The following KCNB2 variants were observed in gnomAD, a reference collection of about 807,000 sequenced individuals.
The protein encoded by KCNB2 is delayed rectifier potassium channel protein.
KCNB2 carries 15 observed loss-of-function variants against 61.5 expected under a neutral mutation model. That is an observed-to-expected ratio of 0.24 (90% CI 0.16 to 0.38). The LOEUF is 0.38. Among genes scored for constraint, KCNB2 ranks in the 10% least tolerant of loss-of-function variants. The pLI is 1.00. For synonymous variants in KCNB2, 457 were observed against 446.0 expected (o/e 1.02, Z -0.31); for missense variants, 828 against 1,125.2 (o/e 0.74, Z 3.78).
At chr8:72,835,977 C>T (rs1809775555) in intron 2 of KCNB2, among the ~76,000 whole-genome samples, 1 of 152,194 alleles carries the variant, frequency 6.6e-6, no homozygotes, top group Admixed American at 6.5e-5. Flanking sequence ...TGTAATAATT[C>T]ATATTTAACA....
intron 2 of KCNB2, among the ~76,000 whole-genome samples, chr8:72,920,037 G>A (rs577685254): frequency 2.8e-4 from 42 of 152,100 alleles, no homozygotes; most frequent in South Asian, 1.9e-3. Context: ...ATTGAGATTT[G>A]AATCCAAAAT....
chr8:72,745,739 C>T (rs539009839), intron 2 of KCNB2, among the ~76,000 whole-genome samples: 15 of 152,030 alleles, frequency 9.9e-5, no homozygotes, highest in Admixed American at 3.3e-4. Context: ...ATCTCCAGCC[C>T]CTGCTGCCCT....
intron 2 of KCNB2, among the ~76,000 whole-genome samples, chr8:72,656,005 A>C (rs919057239): frequency 2.0e-5 from 3 of 152,148 alleles, no homozygotes; most frequent in Non-Finnish European, 4.4e-5. Flanking sequence ...TCTTAGTGGA[A>C]GAGACTTTTG....
intron 2 of KCNB2, among the ~76,000 whole-genome samples, chr8:72,820,861 TCTG>T (rs1406192008): frequency 6.6e-6 from 1 of 152,206 alleles, no homozygotes; most frequent in African/African-American, 2.4e-5. Flanking sequence ...GTTCACTGGT[TCTG>T]CTAGTGTCTT....
chr8:72,633,871 C>T (rs2128985180), intron 2 of KCNB2, among the ~76,000 whole-genome samples: 2 of 152,214 alleles, frequency 1.3e-5, no homozygotes, highest in East Asian at 3.9e-4. Flanking sequence ...TAGAGTTGGG[C>T]AGTGAACAGC....
At chr8:72,784,426 T>A (rs1458654914) in intron 2 of KCNB2, among the ~76,000 whole-genome samples, 1 of 152,160 alleles carries the variant, frequency 6.6e-6, no homozygotes. Context: ...GCTGGGTGTG[T>A]TAGTCTATTC....
At chr8:72,904,967 G>C (rs553833948) in intron 2 of KCNB2, among the ~76,000 whole-genome samples, 82 of 152,162 alleles carry the variant, frequency 5.4e-4, no homozygotes, top group Non-Finnish European at 9.4e-4. Context: ...ATGTATAGCT[G>C]GATGGATGGA....
In KCNB2 at chr8:72,727,495, A is replaced by C. The variant is rs111516286; in HGVS notation, c.579+159182A>C. On this transcript the variant is annotated intron_variant, in intron 2 of 2. Transcript: ENST00000523207. ...AAGTGGAAGCATTTTTATAGCTTACATTCAAAAGCCAAGTAGAGCTACCAG... is the reference window on the plus strand; with the variant it reads ...AAGTGGAAGCATTTTTATAGCTTACCTTCAAAAGCCAAGTAGAGCTACCAG... 3.0e-3 allele frequency among the ~76,000 whole-genome samples: 456 copies of C among 152,334 alleles called. 2 individuals are homozygous for C. Among genetic ancestry groups the C allele is most frequent in the African/African-American group, 0.01 (434 of 41,582 alleles).
At chr8:72,628,973 G>A (rs75094617) in intron 2 of KCNB2, among the ~76,000 whole-genome samples, 9 of 152,224 alleles carry the variant, frequency 5.9e-5, no homozygotes, top group African/African-American at 1.9e-4. Flanking sequence ...CAAATATAAC[G>A]TACTTAACAT....
At chr8:72,564,246 A>G (rs903409537) in intron 1 of KCNB2, among the ~76,000 whole-genome samples, 3 of 152,170 alleles carry the variant, frequency 2.0e-5, no homozygotes, top group African/African-American at 7.2e-5. Context: ...TTCCTTTTTT[A>G]ATGACTTTTT....
intron 2 of KCNB2, among the ~76,000 whole-genome samples, chr8:72,764,454 C>T (rs1339299329): frequency 1.3e-5 from 2 of 152,098 alleles, no homozygotes; most frequent in African/African-American, 4.8e-5. Flanking sequence ...ATAAAACACA[C>T]AGGGCTCATG....
chr8:72,926,379 A>G (rs1003753255), intron 2 of KCNB2, among the ~76,000 whole-genome samples: 4 of 152,216 alleles, frequency 2.6e-5, no homozygotes, highest in Non-Finnish European at 4.4e-5. Flanking sequence ...TTCTCAACTT[A>G]TAAAATCTAG....
intron 2 of KCNB2, among the ~76,000 whole-genome samples, chr8:72,732,292 C>T (rs1452526536): frequency 6.6e-6 from 1 of 152,170 alleles, no homozygotes; most frequent in Non-Finnish European, 1.5e-5. Flanking sequence ...CCTGTGAGCA[C>T]TACAGTTTAT....
intron 2 of KCNB2, among the ~76,000 whole-genome samples, chr8:72,644,991 A>G (rs530527977): frequency 2.6e-5 from 4 of 152,310 alleles, no homozygotes; most frequent in East Asian, 3.9e-4. Context: ...AGATTGTAGT[A>G]GAGAAAAGCA....
At chr8:72,613,565 A>G (rs1805572100) in intron 2 of KCNB2, among the ~76,000 whole-genome samples, 1 of 152,212 alleles carries the variant, frequency 6.6e-6, no homozygotes, top group African/African-American at 2.4e-5. Flanking sequence ...ACTATGTATT[A>G]AGATCTGACC....
rs1025435106 is a variant in KCNB2, at chr8:72,537,348, C to G, written c.-631C>G. 1 of 148,166 alleles carries G rather than the reference C, an allele frequency of 6.7e-6. No homozygotes were observed. Among genetic ancestry groups the G allele is most frequent in the Non-Finnish European group, 1.5e-5 (1 of 66,848 alleles). 9.2% of individuals were successfully genotyped at this position (148,166 alleles called of 1,614,324 possible). A position where few individuals can be genotyped will look rare whatever the true frequency, so the allele number is the denominator to read the frequency against. ...CCGCCACAGACACACACCCACCAAG[C>G]ACCCACCGCCCTCCGCCCTCCGCCC... On this transcript the variant is annotated 5_prime_UTR_variant, in exon 1 of 3. Transcript: ENST00000523207.
At chr8:72,723,846 G>A (rs138308295) in intron 2 of KCNB2, among the ~76,000 whole-genome samples, 1,918 of 152,284 alleles carry the variant, frequency 0.013, 33 homozygotes, top group African/African-American at 0.044. Context: ...CCAGATTTCT[G>A]TCACTGGCAA....
chr8:72,833,601 A>G (rs1293611926), intron 2 of KCNB2, among the ~76,000 whole-genome samples: 1 of 152,188 alleles, frequency 6.6e-6, no homozygotes. Context: ...GGGGTGAGGA[A>G]TTCTAAACTA....
chr8:72,623,534 A>T (rs1805742657), intron 2 of KCNB2, among the ~76,000 whole-genome samples: 1 of 152,200 alleles, frequency 6.6e-6, no homozygotes, highest in African/African-American at 2.4e-5. Context: ...CATTTCAGGG[A>T]CAATAAAGAA....
Sources: gnomAD v4.1 joint callset for allele counts (sites outside exome capture counted in the v4.1 genomes callset) on GRCh38, gnomAD v4.1.1 for gene constraint, MANE v1.5 for transcripts, NCBI Gene and HGNC (gene_info 2026-07-23, HGNC 2026-07-21) for gene names.